Variants in NEUROD6 observed in about 807,000 individuals in gnomAD.
The protein encoded by NEUROD6 is neuronal differentiation 6, also known as neurogenic differentiation factor 6.
Under a neutral mutation model 24.1 loss-of-function variants are expected in NEUROD6, and 5 were observed. The observed-to-expected ratio is 0.21, with a 90% CI of 0.11 to 0.44. The LOEUF is 0.44. NEUROD6 is among the 20% of genes least tolerant of loss of function. The probability of loss-of-function intolerance (pLI) is 0.99; values close to 1 mark genes in which losing one functional copy is unlikely to be tolerated. For missense variants in NEUROD6, 325 were observed against 409.5 expected, an observed-to-expected ratio of 0.79 and a Z score of 1.78; for synonymous variants, 182 against 154.1, an observed-to-expected ratio of 1.18 and a Z score of -1.34.
chr7:31,338,594 A>C lies in NEUROD6; in HGVS notation c.675T>G (p.Leu225=). ...ELTTPPGHGT[L]DNSKSMKPYN... is the part of the protein sequence containing the mutation. Reference sequence around the variant, plus strand: ...AGGGTTTCATGGACTTGGAATTATCAAGAGTCCCATGCCCTGGGGGAGTGG... The same window carrying C: ...AGGGTTTCATGGACTTGGAATTATCCAGAGTCCCATGCCCTGGGGGAGTGG... The change falls in exon 2 of 2, where the codon CTT becomes CTG. Residue 225 remains leucine (L), a synonymous_variant. Transcript: ENST00000297142. This position sits in a 1 kb window ranked among gnomAD's most constrained non-coding sequence, Gnocchi z 5.1. 8 of 1,614,090 alleles carry C rather than the reference A, an allele frequency of 5.0e-6. No homozygotes were observed. The highest frequency in any genetic ancestry group is 6.8e-6 in the Non-Finnish European group (8 of 1,179,996).
In NEUROD6 at chr7:31,340,646, T is replaced by C. The variant is rs1182028961; in HGVS notation, c.-75A>G. ...GTTTTCATTTTGGGTCTTCCAAATC[T>C]TTTCAGGCTGAGTGTCGCATCGTCT... On this transcript the variant is annotated 5_prime_UTR_variant, in exon 1 of 2. Coordinates refer to ENST00000297142, the MANE Select transcript of NEUROD6 (RefSeq NM_022728.4). 1 of 152,638 alleles carries C rather than the reference T, an allele frequency of 6.6e-6. No individual in the cohort carries two copies. The highest frequency in any genetic ancestry group is 2.4e-5 in the African/African-American group (1 of 41,454). The allele number at this position is 152,638 out of a possible 1,614,324, so 9.5% of individuals were successfully genotyped here.
rs967547086 is a variant in NEUROD6 at position 31,338,717 on chromosome 7, G to A, written c.552C>T (p.Asn184=). Residue 184 remains asparagine (N), a synonymous_variant, in exon 2 of 2, where the codon AAC becomes AAT. Transcript: ENST00000297142. The surrounding 1 kb of genome is among the most constrained non-coding windows in gnomAD (Gnocchi z 5.1). ...TNLVAGCLQL[N]ARSFLMGQGG... Reference sequence around the variant, plus strand: ...CCTGACCCATCAGGAAACTCCTGGCGTTGAGCTGCAAGCAGCCTGCCACCA... The same window carrying A: ...CCTGACCCATCAGGAAACTCCTGGCATTGAGCTGCAAGCAGCCTGCCACCA... 5.6e-6 allele frequency: 9 copies of A among 1,613,980 alleles called. No homozygotes were observed. The highest frequency in any genetic ancestry group is 1.3e-5 in the African/African-American group (1 of 74,910).
In NEUROD6 at chr7:31,339,131, C is replaced by T. The variant is rs1370015213; in HGVS notation, c.138G>A (p.Lys46=). 2.5e-6 allele frequency: 4 copies of T among 1,614,020 alleles called. No individual in the cohort carries two copies. Among genetic ancestry groups the T allele is most frequent in the Middle Eastern group, 1.6e-4 (1 of 6,062 alleles). ...CTTCTCCAGGGGCCCTTTTGATGCTCTTTCCTCGAAGGACAATCTGTTTGG... is the reference window on the plus strand; with the variant it reads ...CTTCTCCAGGGGCCCTTTTGATGCTTTTTCCTCGAAGGACAATCTGTTTGG... The part of the protein sequence containing the change: ...SFSKQIVLRG[K]SIKRAPGEET... The change falls in exon 2 of 2, where the codon AAG becomes AAA. Residue 46 remains lysine (K), a synonymous_variant. Coordinates refer to ENST00000297142, the MANE Select transcript of NEUROD6 (RefSeq NM_022728.4).
chr7:31,338,227 T>G lies in NEUROD6; in HGVS notation c.*28A>C, dbSNP rs757335638. The G allele has an allele frequency of 6.3e-6, 10 of 1,585,550 alleles. No individual in the cohort carries two copies. The highest frequency in any genetic ancestry group is 1.1e-5 in the South Asian group (1 of 90,088). On this transcript the variant is annotated 3_prime_UTR_variant, in exon 2 of 2. Coordinates refer to ENST00000297142, the MANE Select transcript of NEUROD6 (RefSeq NM_022728.4). This position sits in a 1 kb window ranked among gnomAD's most constrained non-coding sequence, Gnocchi z 5.1. ...GTCTTAATTAGACAGGGGAGGTGAATGACCACTGTTTATTTTCATTTTCCT... is the reference window on the plus strand; with the variant it reads ...GTCTTAATTAGACAGGGGAGGTGAAGGACCACTGTTTATTTTCATTTTCCT...
chr7:31,337,971 T>C lies in NEUROD6; in HGVS notation c.*284A>G, dbSNP rs1783084807. ...ATTCAACAGTATATTCTTAGACACCTTGTTCAAACAAATTAAATAAGTTTA... is the reference window on the plus strand; with the variant it reads ...ATTCAACAGTATATTCTTAGACACCCTGTTCAAACAAATTAAATAAGTTTA... On this transcript the variant is annotated 3_prime_UTR_variant, in exon 2 of 2. Coordinates refer to ENST00000297142, the MANE Select transcript of NEUROD6 (RefSeq NM_022728.4). The C allele has an allele frequency of 2.7e-6, 1 of 365,306 alleles. No individual in the cohort carries two copies. Among genetic ancestry groups the C allele is most frequent in the Non-Finnish European group, 4.9e-6 (1 of 202,082 alleles). The allele number at this position is 365,306 out of a possible 1,614,324, so 22.6% of individuals were successfully genotyped here.
intron 1 of NEUROD6, 59 bp from the exon 2 acceptor site, chr7:31,339,348 A>G: frequency 5.5e-6 from 7 of 1,276,604 alleles, no homozygotes; most frequent in Non-Finnish European, 7.4e-6. Flanking sequence ...TATACACTTA[A>G]AACATATTTA....
rs1387179677 is a variant in NEUROD6 at position 31,338,975 on chromosome 7, T to C, written c.294A>G (p.Glu98=). ...RLERVKFRRQ[E]ANARERNRMH... is the part of the protein sequence containing the mutation. ...TCCTGTTCCTCTCGCGCGCGTTCGC[T>C]TCCTGTCTCCTGAACTTGACCCTTT... is the stretch of plus-strand genomic sequence containing the variant. The change falls in exon 2 of 2, where the codon GAA becomes GAG. Residue 98 remains glutamate (E), a synonymous_variant. Coordinates refer to ENST00000297142, the MANE Select transcript of NEUROD6 (RefSeq NM_022728.4). This position sits in a 1 kb window ranked among gnomAD's most constrained non-coding sequence, Gnocchi z 5.1. 6.2e-7 allele frequency: 1 copy of C among 1,614,024 alleles called. No homozygotes were observed. The highest frequency in any genetic ancestry group is 1.1e-5 in the South Asian group (1 of 91,070).
In NEUROD6 at chr7:31,339,293, A is replaced by C. The variant is rs1478328073; in HGVS notation, c.-21-4T>G. The C allele has an allele frequency of 6.4e-7, 1 of 1,556,758 alleles. No individual in the cohort carries two copies. Among genetic ancestry groups the C allele is most frequent in the Non-Finnish European group, 8.6e-7 (1 of 1,156,698 alleles). ...TGGTTCTCTAATCTTAAATTACCTGAAAAAATGCCAGCACAATATTTAAAG... is the reference window on the plus strand; with the variant it reads ...TGGTTCTCTAATCTTAAATTACCTGCAAAAATGCCAGCACAATATTTAAAG... On this transcript the variant is annotated splice_region_variant and splice_polypyrimidine_tract_variant and intron_variant, in intron 1 of 1. Coordinates refer to ENST00000297142, the MANE Select transcript of NEUROD6 (RefSeq NM_022728.4).
chr7:31,338,675 G>A lies in NEUROD6; in HGVS notation c.594C>T (p.His198=). The A allele has an allele frequency of 6.2e-7, 1 of 1,614,110 alleles. No homozygotes were observed. Among genetic ancestry groups the A allele is most frequent in the Admixed American group, 1.7e-5 (1 of 60,008 alleles). ...AGGTAGAGTAGGGTGACCTTGTGTGGTGTGCAGCCTCCCCACCCTGACCCA... is the reference window on the plus strand; with the variant it reads ...AGGTAGAGTAGGGTGACCTTGTGTGATGTGCAGCCTCCCCACCCTGACCCA... ...FLMGQGGEAA[H]HTRSPYSTFY... The change falls in exon 2 of 2, where the codon CAC becomes CAT. Residue 198 remains histidine, a synonymous_variant. Coordinates refer to ENST00000297142, the MANE Select transcript of NEUROD6 (RefSeq NM_022728.4). The surrounding 1 kb of genome is among the most constrained non-coding windows in gnomAD (Gnocchi z 5.1).
Position 31,339,090 on chromosome 7 carries a change from T to G in NEUROD6, c.179A>C (p.Glu60Ala), listed in dbSNP as rs1314324478. Residue 60 changes from glutamate (E) to alanine (A), a missense_variant, in exon 2 of 2, where the codon GAA becomes GCA. Physicochemically the swap from Glu to Ala is moderately radical, Grantham distance 107. This residue lies in a region of NEUROD6 where 109 missense variants were observed against 107.3 expected (regional missense o/e 1.02). Coordinates refer to ENST00000297142, the MANE Select transcript of NEUROD6 (RefSeq NM_022728.4). ...TTCCTCTTCCCTGTCTTCCTCCTCT[T>G]CTTCTTTCTCGGTTTCTTCTCCAGG... The part of the protein sequence containing the change: ...RAPGEETEKE[E>A]EEEDREEEDE... 8.7e-6 allele frequency: 14 copies of G among 1,613,958 alleles called. No individual in the cohort carries two copies. The highest frequency in any genetic ancestry group is 1.2e-5 in the Non-Finnish European group (14 of 1,180,006).
chr7:31,340,371 C>G (rs921604725), intron 1 of NEUROD6, among the ~76,000 whole-genome samples: 1 of 152,210 alleles, frequency 6.6e-6, no homozygotes, highest in African/African-American at 2.4e-5. Flanking sequence ...CCTCAACACA[C>G]ACATATACAC....
At position 31,339,169 on chromosome 7, in the gene NEUROD6, G is replaced by T. The variant is rs1467777388; in HGVS notation, c.100C>A (p.Pro34Thr). Residue 34 changes from proline to threonine, a missense_variant, in exon 2 of 2, where the codon CCA (proline) becomes ACA (threonine). Pro to Thr is a conservative substitution (Grantham distance 38, BLOSUM62 -1). This residue lies in a region of NEUROD6 where 109 missense variants were observed against 107.3 expected (regional missense o/e 1.02). Transcript: ENST00000297142. Reference protein sequence around the residue: ...ECEDQKQIKKPESFSKQIVLR... With the variant: ...ECEDQKQIKKTESFSKQIVLR... ...ACAATCTGTTTGGAAAAGCTTTCTGGCTTCTTAATTTGCTTCTGGTCCTCG... is the reference window on the plus strand; with the variant it reads ...ACAATCTGTTTGGAAAAGCTTTCTGTCTTCTTAATTTGCTTCTGGTCCTCG... 1 of 1,613,628 alleles carries T rather than the reference G, an allele frequency of 6.2e-7. No homozygotes were observed. Among genetic ancestry groups the T allele is most frequent in the Admixed American group, 1.7e-5 (1 of 59,980 alleles).
rs1783094027 is a variant in NEUROD6 at position 31,338,693 on chromosome 7, C to T, written c.576G>A (p.Gln192=). ...QLNARSFLMG[Q]GGEAAHHTRS... ...TTGTGTGGTGTGCAGCCTCCCCACC[C>T]TGACCCATCAGGAAACTCCTGGCGT... Residue 192 remains glutamine (Q), a synonymous_variant, in exon 2 of 2, where the codon CAG becomes CAA. Coordinates refer to ENST00000297142, the MANE Select transcript of NEUROD6 (RefSeq NM_022728.4). The surrounding 1 kb of genome is among the most constrained non-coding windows in gnomAD (Gnocchi z 5.1). The T allele has an allele frequency of 1.9e-6, 3 of 1,613,944 alleles. No homozygotes were observed. Among genetic ancestry groups the T allele is most frequent in the African/African-American group, 2.7e-5 (2 of 74,876 alleles).
chr7:31,338,475 A>G lies in NEUROD6; in HGVS notation c.794T>C (p.Ile265Thr). The G allele has an allele frequency of 6.2e-7, 1 of 1,613,952 alleles. No homozygotes were observed. The highest frequency in any genetic ancestry group is 8.5e-7 in the Non-Finnish European group (1 of 1,179,934). ...CAGGGAAAATATCCCATTATAGTTAATTGGGGGAGGACTTAAGGGACCTTC... is the reference window on the plus strand; with the variant it reads ...CAGGGAAAATATCCCATTATAGTTAGTTGGGGGAGGACTTAAGGGACCTTC... ...QFEGPLSPPPINYNGIFSLKQ... is the reference protein window; with the variant it reads ...QFEGPLSPPPTNYNGIFSLKQ... The change falls in exon 2 of 2, where the codon ATT becomes ACT. Residue 265 changes from isoleucine (I) to threonine (T), a missense_variant. Physicochemically the swap from Ile to Thr is moderately conservative, Grantham distance 89. Around this residue, in one of 3 missense-constraint regions of NEUROD6, gnomAD observed 175 missense variants for 201.3 expected, o/e 0.87. Transcript: ENST00000297142. The surrounding 1 kb of genome is among the most constrained non-coding windows in gnomAD (Gnocchi z 5.1).
Position 31,337,596 on chromosome 7 carries a change from T to G in NEUROD6, c.*659A>C, listed in dbSNP as rs2128032967. 6.5e-6 allele frequency: 1 copy of G among 152,784 alleles called. No homozygotes were observed. Among genetic ancestry groups the G allele is most frequent in the Admixed American group, 6.5e-5 (1 of 15,302 alleles). The allele number at this position is 152,784 out of a possible 1,614,324, so 9.5% of individuals were successfully genotyped here. On this transcript the variant is annotated 3_prime_UTR_variant, in exon 2 of 2. Transcript: ENST00000297142. Reference sequence around the variant, plus strand: ...AAAACAAGTGCTGAAATTTTTTTCTTGATGATTGAGATAATTGTCCCCGAA... The same window carrying G: ...AAAACAAGTGCTGAAATTTTTTTCTGGATGATTGAGATAATTGTCCCCGAA...
rs1230201326 is a variant in NEUROD6, at chr7:31,338,477, T to A, written c.792A>T (p.Pro264=). The A allele has an allele frequency of 1.2e-6, 2 of 1,613,970 alleles. No homozygotes were observed. Among genetic ancestry groups the A allele is most frequent in the Non-Finnish European group, 1.7e-6 (2 of 1,179,940 alleles). Residue 264 remains proline (P), a synonymous_variant, in exon 2 of 2, where the codon CCA becomes CCT. Coordinates refer to ENST00000297142, the MANE Select transcript of NEUROD6 (RefSeq NM_022728.4). The surrounding 1 kb of genome is among the most constrained non-coding windows in gnomAD (Gnocchi z 5.1). Reference sequence around the variant, plus strand: ...GGGAAAATATCCCATTATAGTTAATTGGGGGAGGACTTAAGGGACCTTCAA... The same window carrying A: ...GGGAAAATATCCCATTATAGTTAATAGGGGGAGGACTTAAGGGACCTTCAA... ...PQFEGPLSPP[P]INYNGIFSLK...
At position 31,337,872 on chromosome 7, in the gene NEUROD6, G is replaced by A. The variant is rs1783083731; in HGVS notation, c.*383C>T. On this transcript the variant is annotated 3_prime_UTR_variant, in exon 2 of 2. Coordinates refer to ENST00000297142, the MANE Select transcript of NEUROD6 (RefSeq NM_022728.4). ...TATAAACACATCATTTTACTCATCT[G>A]GTTTTAATAACATGCATTTTATAAT... 1 of 166,658 alleles carries A rather than the reference G, an allele frequency of 6.0e-6. No homozygotes were observed. Among genetic ancestry groups the A allele is most frequent in the Non-Finnish European group, 1.3e-5 (1 of 76,112 alleles). The allele number at this position is 166,658 out of a possible 1,614,324, so 10.3% of individuals were successfully genotyped here. A position where few individuals can be genotyped will look rare whatever the true frequency, so the allele number is the denominator to read the frequency against.
rs1387167986 is a variant in NEUROD6, at chr7:31,338,989, A to G, written c.280T>C (p.Phe94Leu). 6.2e-7 allele frequency: 1 copy of G among 1,613,656 alleles called. No homozygotes were observed. The highest frequency in any genetic ancestry group is 8.5e-7 in the Non-Finnish European group (1 of 1,179,926). ...CGCGCGTTCGCTTCCTGTCTCCTGAACTTGACCCTTTCCAATCGCAGCTTT... is the reference window on the plus strand; with the variant it reads ...CGCGCGTTCGCTTCCTGTCTCCTGAGCTTGACCCTTTCCAATCGCAGCTTT... The part of the protein sequence containing the change: ...TTKLRLERVK[F>L]RRQEANARER... The change falls in exon 2 of 2, where the codon TTC becomes CTC. Residue 94 changes from phenylalanine to leucine, a missense_variant. Coordinates refer to ENST00000297142, the MANE Select transcript of NEUROD6 (RefSeq NM_022728.4). This position sits in a 1 kb window ranked among gnomAD's most constrained non-coding sequence, Gnocchi z 5.1.
intron 1 of NEUROD6, 127 bp from the exon 2 acceptor site, chr7:31,339,416 T>C (rs1380494702): frequency 8.5e-6 from 6 of 702,650 alleles, no homozygotes; most frequent in Non-Finnish European, 1.1e-5. Context: ...GGGCCTGATT[T>C]TTTAACATTA....
Sources: gnomAD v4.1 joint callset for allele counts (sites outside exome capture counted in the v4.1 genomes callset) on GRCh38, gnomAD v4.1.1 for gene constraint, gnomAD v4.1.1 regional missense constraint, Gnocchi (gnomAD v3.1) non-coding constraint, MANE v1.5 for transcripts, NCBI Gene and HGNC (gene_info 2026-07-23, HGNC 2026-07-21) for gene names.